The following USP7 variants were observed in gnomAD, a reference collection of about 807,000 sequenced individuals.
USP7 encodes ubiquitin C-terminal hydrolase 7.
Under a neutral mutation model 162.9 loss-of-function variants are expected in USP7, and 9 were observed. That is an observed-to-expected ratio of 0.06 (90% CI 0.03 to 0.10). The LOEUF (loss-of-function observed/expected upper bound fraction) is 0.10. Among genes scored for constraint, USP7 ranks in the 10% least tolerant of loss-of-function variants. The pLI is 1.00. For synonymous variants in USP7, 562 were observed against 475.9 expected, an observed-to-expected ratio of 1.18 and a Z score of -2.35; for missense variants, 715 against 1,373.7, an observed-to-expected ratio of 0.52 and a Z score of 7.58.
intron 11 of USP7, among the ~76,000 whole-genome samples, chr16:8,909,275 A>C (rs2061906351): frequency 6.6e-6 from 1 of 152,200 alleles, no homozygotes. Flanking sequence ...TTTCCAATGC[A>C]GACCTTCCTT....
chr16:8,930,203 G>A (rs1898237381), intron 2 of USP7, 90 bp downstream of exon 2: 1 of 975,284 alleles, frequency 1.0e-6, no homozygotes. Flanking sequence ...AAGTACCCAA[G>A]GATGTACCCA....
chr16:8,923,745 G>A (rs1348970431), intron 2 of USP7, among the ~76,000 whole-genome samples: 1 of 152,178 alleles, frequency 6.6e-6, no homozygotes, highest in Non-Finnish European at 1.5e-5. Flanking sequence ...AGAGACCTTG[G>A]AGAGAAGGAA....
In USP7 at chr16:8,908,418, C is replaced by T; in HGVS notation, c.1194G>A (p.Leu398=). 6.2e-7 allele frequency: 1 copy of T among 1,612,504 alleles called. No individual in the cohort carries two copies. Among genetic ancestry groups the T allele is most frequent in the Non-Finnish European group, 8.5e-7 (1 of 1,179,506 alleles). Reference sequence around the variant, plus strand: ...TCAGTTGTAGATGTAACACTGGTGGCAATGTTAGGAATTTCACACCTTTCT... The same window carrying T: ...TCAGTTGTAGATGTAACACTGGTGGTAATGTTAGGAATTTCACACCTTTCT... The part of the protein sequence containing the change: ...EAEKGVKFLT[L]PPVLHLQLMR... Residue 398 remains leucine, a synonymous_variant, in exon 12 of 31, where the codon TTG becomes TTA. Coordinates refer to ENST00000344836, the MANE Select transcript of USP7 (RefSeq NM_003470.3).
At chr16:8,958,624 T>C (rs188009478) in intron 1 of USP7, among the ~76,000 whole-genome samples, 3 of 151,624 alleles carry the variant, frequency 2.0e-5, no homozygotes, top group East Asian at 3.9e-4. Context: ...GACAGCAGAG[T>C]TCAAAGCCGA....
chr16:8,943,740 C>A (rs770071588), intron 1 of USP7, among the ~76,000 whole-genome samples: 4 of 152,156 alleles, frequency 2.6e-5, no homozygotes, highest in Admixed American at 6.6e-5. Flanking sequence ...GTATTAAAAT[C>A]AAAATGTTGA....
At position 8,895,021 on chromosome 16, in the gene USP7, A is replaced by T. The variant is rs773110130; in HGVS notation, c.3039+10T>A. 3.1e-6 allele frequency: 5 copies of T among 1,614,216 alleles called. No homozygotes were observed. In the South Asian group the frequency reaches 5.5e-5, roughly 18 times the overall value. ...TGACGTGAGCCACTCGGCCAACCACAACAGCATACCTGGTGTATCCTCAGC... is the reference window on the plus strand; with the variant it reads ...TGACGTGAGCCACTCGGCCAACCACTACAGCATACCTGGTGTATCCTCAGC... On this transcript the variant is annotated intron_variant, in intron 28 of 30. Coordinates refer to ENST00000344836, the MANE Select transcript of USP7 (RefSeq NM_003470.3).
chr16:8,923,058 T>C (rs575271490), intron 3 of USP7, among the ~76,000 whole-genome samples, 157 bp downstream of exon 3: 2 of 152,362 alleles, frequency 1.3e-5, no homozygotes, highest in Non-Finnish European at 2.9e-5. Flanking sequence ...TATACTTTTC[T>C]AGCTTGGATA....
At chr16:8,943,502 AG>A (rs1345825830) in intron 1 of USP7, among the ~76,000 whole-genome samples, 1 of 152,100 alleles carries the variant, frequency 6.6e-6, no homozygotes, top group Non-Finnish European at 1.5e-5. Context: ...CAAGAGCCAA[AG>A]GATCAACACC....
Position 8,916,483 on chromosome 16 carries a change from AGTATTGCTT to A in USP7, c.906+10_906+18del. 1 of 1,603,714 alleles carries A rather than the reference AGTATTGCTT, an allele frequency of 6.2e-7. No individual in the cohort carries two copies. The highest frequency in any genetic ancestry group is 8.5e-7 in the Non-Finnish European group (1 of 1,176,338). The stretch of plus-strand genomic sequence containing the variant: ...AAATATTCATTGTAAGAAATATACA[AGTATTGCTT>A]GAAACTTACCACTCGACAAAGCTCC... On this transcript the variant is annotated intron_variant, in intron 8 of 30. Coordinates refer to ENST00000344836, the MANE Select transcript of USP7 (RefSeq NM_003470.3).
At position 8,958,241 on chromosome 16, in the gene USP7, G is replaced by A. The variant is rs117436339; in HGVS notation, c.79+4966C>T. ...CTTATGCAAGCCAACAGGGAGAGGC[G>A]ACTAGAAAGGCTTAGGGGAAAGGTG... is the stretch of plus-strand genomic sequence containing the variant. On this transcript the variant is annotated intron_variant, in intron 1 of 30. Transcript: ENST00000344836. Among the ~76,000 whole-genome samples, 127 of 152,322 alleles carry A rather than the reference G, an allele frequency of 8.3e-4. 2 individuals are homozygous for A. In the East Asian group the frequency reaches 0.022, roughly 27 times the overall value.
intron 10 of USP7, among the ~76,000 whole-genome samples, chr16:8,914,936 C>T (rs543486970): frequency 6.6e-6 from 1 of 152,170 alleles, no homozygotes; most frequent in African/African-American, 2.4e-5. Context: ...AATAAACAAA[C>T]AAATACATCC....
intron 25 of USP7, 101 bp downstream of exon 25, chr16:8,898,250 TTGTTTAGAG>T: frequency 2.1e-6 from 2 of 935,238 alleles, no homozygotes; most frequent in South Asian, 3.2e-5. Context: ...TCATGTGCTG[TTGTTTAGAG>T]TGTTTTTCTG....
rs1167042380 is a variant in USP7, at chr16:8,932,075, C to T, written c.80-1678G>A. ...CCATGCTCACCTCCCCCTCCAAGAA[C>T]TCTCCAAAACCCCAACGCTTAGATT... On this transcript the variant is annotated intron_variant, in intron 1 of 30. Transcript: ENST00000344836. Among the ~76,000 whole-genome samples, 6 of 152,268 alleles carry T rather than the reference C, an allele frequency of 3.9e-5. No homozygotes were observed. In the South Asian group the frequency reaches 1.2e-3, roughly 32 times the overall value.
intron 30 of USP7, 25 bp downstream of exon 30, chr16:8,894,524 GC>G (rs756770513): frequency 8.7e-6 from 13 of 1,490,850 alleles, no homozygotes; most frequent in African/African-American, 3.1e-5. Context: ...ACCCACACCA[GC>G]CCCCGGGGGG....
rs757370621 is a variant in USP7 at position 8,906,612 on chromosome 16, G to A, written c.1272-30C>T. 6 of 1,597,468 alleles carry A rather than the reference G, an allele frequency of 3.8e-6. No homozygotes were observed. In the East Asian group the frequency reaches 1.3e-4, roughly 36 times the overall value. Reference sequence around the variant, plus strand: ...TAGAAAACATTTTAAAAGAAATTCAGTATTAATTTACACAAAAAATATCAC... The same window carrying A: ...TAGAAAACATTTTAAAAGAAATTCAATATTAATTTACACAAAAAATATCAC... On this transcript the variant is annotated intron_variant, in intron 12 of 30. Transcript: ENST00000344836.
Position 8,963,780 on chromosome 16 carries a change from G to C in USP7, c.-495C>G, listed in dbSNP as rs931823666. ...GGGAGCGGCGGAGCGGGCGGGCGAC[G>C]GGCCGGCCGCGTTCCGAGAGCCGCG... is the stretch of plus-strand genomic sequence containing the variant. On this transcript the variant is annotated 5_prime_UTR_variant, in exon 1 of 31. Coordinates refer to ENST00000344836, the MANE Select transcript of USP7 (RefSeq NM_003470.3). Among the ~76,000 whole-genome samples, 2 of 145,628 alleles carry C rather than the reference G, an allele frequency of 1.4e-5. No individual in the cohort carries two copies. Among genetic ancestry groups the C allele is most frequent in the African/African-American group, 2.5e-5 (1 of 40,624 alleles).
chr16:8,959,772 G>A (rs1596421341), intron 1 of USP7, among the ~76,000 whole-genome samples: 1 of 152,150 alleles, frequency 6.6e-6, no homozygotes, highest in Admixed American at 6.6e-5. Context: ...ACATGCTTCA[G>A]CAGAAAAGTA....
chr16:8,939,344 A>G (rs1194026943), intron 1 of USP7, among the ~76,000 whole-genome samples: 1 of 152,172 alleles, frequency 6.6e-6, no homozygotes, highest in Non-Finnish European at 1.5e-5. Flanking sequence ...AATGCTATAT[A>G]AATGGACACA....
chr16:8,943,853 T>C (rs1340042970), intron 1 of USP7, among the ~76,000 whole-genome samples: 3 of 152,238 alleles, frequency 2.0e-5, no homozygotes, highest in African/African-American at 7.2e-5. Flanking sequence ...CGTGCACTGA[T>C]GCACAACTTT....
Sources: gnomAD v4.1 joint callset for allele counts (sites outside exome capture counted in the v4.1 genomes callset) on GRCh38, gnomAD v4.1.1 for gene constraint, MANE v1.5 for transcripts, NCBI Gene and HGNC (gene_info 2026-07-23, HGNC 2026-07-21) for gene names.